ATG7: variants seen among roughly 807,000 people sequenced by gnomAD.
The protein encoded by ATG7 is autophagy related 7, also known as ubiquitin-like modifier-activating enzyme ATG7.
A neutral mutation model predicts 82.4 loss-of-function variants in ATG7; 70 were observed. The ratio of observed to expected loss-of-function variants is 0.85; its 90% CI spans 0.70 to 1.04. The LOEUF (loss-of-function observed/expected upper bound fraction) is 1.04, where lower values mean the gene tolerates loss of function less well. Ranked by LOEUF, ATG7 falls within the 50% of genes least tolerant of loss-of-function variation. ATG7 has a pLI of 0.00. For synonymous variants in ATG7, 287 were observed against 313.0 expected (o/e 0.92, Z 0.88); for missense variants, 792 against 864.3 (o/e 0.92, Z 1.05).
rs147042117 is a variant in ATG7, at chr3:11,315,513, T to C, written c.678+20T>C. 2,602 of 1,552,342 alleles carry C rather than the reference T, an allele frequency of 1.7e-3. 44 individuals carry two copies. The African/African-American group carries it at 0.032, about 19-fold the overall frequency. ...ACGAAGGTCAGATAAACTTTGAGTATCATTTTATTATATAGTTTTTTAAAA... is the reference window on the plus strand; with the variant it reads ...ACGAAGGTCAGATAAACTTTGAGTACCATTTTATTATATAGTTTTTTAAAA... On this transcript the variant is annotated intron_variant, in intron 9 of 20. Coordinates refer to ENST00000693202, the MANE Select transcript of ATG7 (RefSeq NM_001349232.2).
chr3:11,567,172 C>G, the ATG7 span, among the ~76,000 whole-genome samples: 1 of 152,150 alleles, frequency 6.6e-6, no homozygotes, highest in Non-Finnish European at 1.5e-5. Flanking sequence ...CCGAGGCGTT[C>G]CGAGCCTCGG....
At position 11,358,557 on chromosome 3, in the gene ATG7, T is replaced by C. The variant is rs760969533; in HGVS notation, c.1424T>C (p.Met475Thr). 9 of 1,614,084 alleles carry C rather than the reference T, an allele frequency of 5.6e-6. No individual in the cohort carries two copies. The Admixed American group carries it at 1.5e-4, about 27-fold the overall frequency. ...AGCCATGATGTCGTCTTCCTATTGA[T>C]GGACACCAGGGAGAGCCGGTGGCTT... ...IESHDVVFLL[M>T]DTRESRWLPA... Residue 475 changes from methionine to threonine, a missense_variant, in exon 15 of 21, where the codon ATG becomes ACG. Physicochemically the swap from Met to Thr is moderately conservative, Grantham distance 81. Coordinates refer to ENST00000693202, the MANE Select transcript of ATG7 (RefSeq NM_001349232.2).
Position 11,501,447 on chromosome 3 carries a change from G to GA in ATG7, c.2080-53359dup, listed in dbSNP as rs201732587. ...TTCAGTGTTATTTTTGAGTGGTACA[G>GA]AAAAATCTACAGTGTTACATTTAGA... On this transcript the variant is annotated intron_variant, in intron 20 of 20. Coordinates refer to ENST00000693202, the MANE Select transcript of ATG7 (RefSeq NM_001349232.2). Among the ~76,000 whole-genome samples the GA allele has an allele frequency of 8.9e-3, 1,361 of 152,266 alleles. 25 individuals are homozygous for GA. Among genetic ancestry groups the GA allele is most frequent in the African/African-American group, 0.031 (1,288 of 41,552 alleles).
At chr3:11,274,548 G>A (rs1941285355) in intron 1 of ATG7, among the ~76,000 whole-genome samples, 1 of 152,150 alleles carries the variant, frequency 6.6e-6, no homozygotes, top group Admixed American at 6.5e-5. Context: ...GTTCACTGGA[G>A]TGCCAGTGTG....
intron 20 of ATG7, among the ~76,000 whole-genome samples, chr3:11,516,278 T>G (rs993092443): frequency 2.6e-5 from 4 of 152,070 alleles, no homozygotes; most frequent in African/African-American, 7.2e-5. Context: ...ATGGCACATG[T>G]ATACATATGT....
At chr3:11,542,601 G>A (rs1212114721) in intron 20 of ATG7, among the ~76,000 whole-genome samples, 1 of 152,148 alleles carries the variant, frequency 6.6e-6, no homozygotes, top group Non-Finnish European at 1.5e-5. Flanking sequence ...TATCCCCACT[G>A]CTACACTGAC....
chr3:11,510,571 C>T (rs1445370784), intron 20 of ATG7, among the ~76,000 whole-genome samples: 2 of 152,050 alleles, frequency 1.3e-5, no homozygotes, highest in African/African-American at 4.8e-5. Flanking sequence ...TTGTGCAACT[C>T]GCCGCCCACA....
At chr3:11,345,723 T>C (rs1307517025) in intron 13 of ATG7, among the ~76,000 whole-genome samples, 1 of 152,148 alleles carries the variant, frequency 6.6e-6, no homozygotes, top group Non-Finnish European at 1.5e-5. Flanking sequence ...TTTTTGTTTC[T>C]GTCTCATTTT....
At chr3:11,415,020 C>G (rs7433812) in intron 19 of ATG7, among the ~76,000 whole-genome samples, 2 of 152,160 alleles carry the variant, frequency 1.3e-5, no homozygotes, top group Non-Finnish European at 2.9e-5. Context: ...GTAAAGTGTC[C>G]TTATACAAAC....
intron 20 of ATG7, among the ~76,000 whole-genome samples, chr3:11,505,866 A>G (rs544546643): frequency 6.6e-6 from 1 of 152,326 alleles, no homozygotes; most frequent in African/African-American, 2.4e-5. Flanking sequence ...GCATTCAGAG[A>G]GCTGAAAGGT....
intron 20 of ATG7, among the ~76,000 whole-genome samples, chr3:11,489,474 A>G (rs1206739608): frequency 3.9e-5 from 4 of 103,490 alleles, no homozygotes; most frequent in Non-Finnish European, 7.6e-5. Context: ...TTGTGTCTCT[A>G]TTTCCTTCAG....
At chr3:11,468,257 C>T (rs2087039309) in intron 20 of ATG7, among the ~76,000 whole-genome samples, 1 of 152,126 alleles carries the variant, frequency 6.6e-6, no homozygotes, top group African/African-American at 2.4e-5. Flanking sequence ...ACCAATCACC[C>T]GAGGAATCTG....
At chr3:11,551,319 G>T (rs1388331899) in intron 20 of ATG7, among the ~76,000 whole-genome samples, 1 of 152,222 alleles carries the variant, frequency 6.6e-6, no homozygotes, top group African/African-American at 2.4e-5. Flanking sequence ...ACATAGCCTA[G>T]AACCAGCTCG....
chr3:11,521,420 G>A (rs994353991), intron 20 of ATG7, among the ~76,000 whole-genome samples: 2 of 152,126 alleles, frequency 1.3e-5, no homozygotes, highest in African/African-American at 4.8e-5. Flanking sequence ...AAGAGGTGAC[G>A]TTTTAGACTG....
At chr3:11,296,205 CATGT>C (rs1945888968) in intron 3 of ATG7, among the ~76,000 whole-genome samples, 2 of 152,170 alleles carry the variant, frequency 1.3e-5, no homozygotes, top group Non-Finnish European at 2.9e-5. Context: ...TCTCAGTATC[CATGT>C]CCAGTTTTCT....
intron 20 of ATG7, among the ~76,000 whole-genome samples, chr3:11,535,478 G>A (rs2092773172): frequency 6.6e-6 from 1 of 152,154 alleles, no homozygotes; most frequent in Non-Finnish European, 1.5e-5. Context: ...GGCCAGGCAG[G>A]TCTCAGAGCA....
chr3:11,304,824 T>C (rs1947448534), intron 5 of ATG7, among the ~76,000 whole-genome samples: 1 of 152,166 alleles, frequency 6.6e-6, no homozygotes, highest in Non-Finnish European at 1.5e-5. Context: ...AATTTCTAAT[T>C]TGAATTCTTT....
chr3:11,297,057 T>A (rs1298218608), intron 3 of ATG7, among the ~76,000 whole-genome samples: 1 of 152,202 alleles, frequency 6.6e-6, no homozygotes, highest in African/African-American at 2.4e-5. Context: ...GAGCTGTTTT[T>A]AAAAAATATA....
intron 20 of ATG7, among the ~76,000 whole-genome samples, chr3:11,473,869 A>G (rs757292707): frequency 1.3e-5 from 2 of 152,196 alleles, no homozygotes; most frequent in Non-Finnish European, 2.9e-5. Context: ...ACTTCTGTTG[A>G]ACCCCAAAAC....
Sources: allele counts gnomAD v4.1 joint callset (sites outside exome capture counted in the v4.1 genomes callset), GRCh38; gene constraint gnomAD v4.1.1; transcripts MANE v1.5; gene names NCBI Gene and HGNC (gene_info 2026-07-23, HGNC 2026-07-21).